ALOX5: variants seen among roughly 807,000 people sequenced by gnomAD.
ALOX5 encodes arachidonate 5-lipoxygenase, also known as polyunsaturated fatty acid 5-lipoxygenase.
ALOX5 carries 64 observed loss-of-function variants against 87.9 expected under a neutral mutation model. The ratio of observed to expected loss-of-function variants is 0.73; its 90% CI spans 0.60 to 0.90. The LOEUF (loss-of-function observed/expected upper bound fraction) is 0.90, where lower values mean the gene tolerates loss of function less well. Among genes scored for constraint, ALOX5 ranks in the 40% least tolerant of loss-of-function variants. ALOX5 has a pLI of 0.00. For missense variants in ALOX5, 822 were observed against 907.5 expected (o/e 0.91, Z 1.21); for synonymous variants, 388 against 355.1 (o/e 1.09, Z -1.04).
At chr10:45,426,164 G>GTTTCAATGTTACATT (rs1415140549) in intron 6 of ALOX5, among the ~76,000 whole-genome samples, 1 of 152,186 alleles carries the variant, frequency 6.6e-6, no homozygotes, top group Non-Finnish European at 1.5e-5. Context: ...CATTGATTTG[G>GTTTCAATGTTACATT]TGGCTATAGG....
chr10:45,374,998 A>T (rs1839546340), intron 1 of ALOX5, among the ~76,000 whole-genome samples: 1 of 152,178 alleles, frequency 6.6e-6, no homozygotes, highest in Non-Finnish European at 1.5e-5. Context: ...TCTGGGCCTC[A>T]GTTTCCCCAG....
At chr10:45,443,991 G>A in intron 12 of ALOX5, 125 bp from the exon 13 acceptor site, 1 of 1,436,946 alleles carries the variant, frequency 7.0e-7, no homozygotes, top group Non-Finnish European at 9.3e-7. Context: ...CTGGCCGCGG[G>A]GAAAGAGGAT....
At position 45,378,600 on chromosome 10, in the gene ALOX5, T is replaced by A. The variant is rs1032399269; in HGVS notation, c.151-3883T>A. Among the ~76,000 whole-genome samples, 5 of 152,310 alleles carry A rather than the reference T, an allele frequency of 3.3e-5. No homozygotes were observed. In the East Asian group the frequency reaches 9.6e-4, roughly 29 times the overall value. On this transcript the variant is annotated intron_variant, in intron 1 of 13. Transcript: ENST00000374391. ...CAGAGAGGAGGGAGGAAGGTGGCCA[T>A]TGTAGTTCCACAAACCTTCCGAAGA...
Position 45,444,299 on chromosome 10 carries a change from A to G in ALOX5, c.1845+13A>G. On this transcript the variant is annotated intron_variant, in intron 13 of 13. Transcript: ENST00000374391. ...CCAGGAAAACGAGGTGAAGCTGGGC[A>G]GGGCGGGGCACAGCCCCAGGTCACC... 2.6e-6 allele frequency: 4 copies of G among 1,545,826 alleles called. No individual in the cohort carries two copies. The highest frequency in any genetic ancestry group is 3.5e-6 in the Non-Finnish European group (4 of 1,143,764).
At chr10:45,436,697 G>A (rs1182693252) in intron 7 of ALOX5, among the ~76,000 whole-genome samples, 1 of 151,992 alleles carries the variant, frequency 6.6e-6, no homozygotes, top group Non-Finnish European at 1.5e-5. Context: ...GATGCCTCCA[G>A]CTTTGTATTT....
chr10:45,424,108 T>G lies in ALOX5; in HGVS notation c.622T>G (p.Phe208Val). 6.2e-7 allele frequency: 1 copy of G among 1,614,218 alleles called. No homozygotes were observed. Among genetic ancestry groups the G allele is most frequent in the Non-Finnish European group, 8.5e-7 (1 of 1,180,026 alleles). The change falls in exon 5 of 14, where the codon TTT becomes GTT. Residue 208 changes from phenylalanine to valine, a missense_variant. Phe to Val is a conservative substitution (Grantham distance 50). Coordinates refer to ENST00000374391, the MANE Select transcript of ALOX5 (RefSeq NM_000698.5). Reference protein sequence around the residue: ...FQSSWNDFADFEKIFVKISNT... With the variant: ...FQSSWNDFADVEKIFVKISNT... ...GTCTTCTTGGAATGACTTCGCCGAC[T>G]TTGAGAAAATCTTTGTCAAGATCAG...
intron 3 of ALOX5, among the ~76,000 whole-genome samples, chr10:45,408,648 G>A (rs1424256887): frequency 6.6e-6 from 1 of 152,156 alleles, no homozygotes; most frequent in Non-Finnish European, 1.5e-5. Flanking sequence ...ATTCCAAGAG[G>A]AGGAGAGTAC....
At chr10:45,443,685 T>G (rs1842325660) in intron 11 of ALOX5, 43 bp from the exon 12 acceptor site, 4 of 1,595,514 alleles carry the variant, frequency 2.5e-6, no homozygotes, top group Non-Finnish European at 3.4e-6. Context: ...GGCCCTGGGG[T>G]CCTCAGGGAC....
At chr10:45,423,245 G>A (rs1841569733) in intron 4 of ALOX5, among the ~76,000 whole-genome samples, 1 of 152,252 alleles carries the variant, frequency 6.6e-6, no homozygotes, top group African/African-American at 2.4e-5. Context: ...TGAAGAGTGG[G>A]CAGTGATTGA....
At chr10:45,412,906 C>T (rs1841122430) in intron 4 of ALOX5, among the ~76,000 whole-genome samples, 1 of 152,196 alleles carries the variant, frequency 6.6e-6, no homozygotes, top group Admixed American at 6.5e-5. Context: ...AAAGCTTGCC[C>T]AGGCTATCGG....
rs12240903 is a variant in ALOX5 at position 45,409,513 on chromosome 10, C to G, written c.432-2678C>G. On this transcript the variant is annotated intron_variant, in intron 3 of 13. Transcript: ENST00000374391. The stretch of plus-strand genomic sequence containing the variant: ...TTAGGATCTCTCTGTCTGTCTGTCT[C>G]TCTCTCTCTCTCTCTCTCTCTGTCT... 9.4e-3 allele frequency among the ~76,000 whole-genome samples: 1,389 copies of G among 147,128 alleles called. 25 individuals are homozygous for G. The highest frequency in any genetic ancestry group is 0.033 in the African/African-American group (1,311 of 40,226).
At chr10:45,444,047 G>A (rs763796905) in intron 12 of ALOX5, 69 bp from the exon 13 acceptor site, 23 of 1,477,502 alleles carry the variant, frequency 1.6e-5, no homozygotes, top group Non-Finnish European at 2.0e-5. Flanking sequence ...CGGGGAGGAC[G>A]GGGCCCAGGG....
intron 3 of ALOX5, among the ~76,000 whole-genome samples, chr10:45,403,295 T>C (rs566605117): frequency 6.6e-6 from 1 of 152,302 alleles, no homozygotes; most frequent in South Asian, 2.1e-4. Context: ...AACAAACTGC[T>C]GCTAACATGG....
intron 3 of ALOX5, among the ~76,000 whole-genome samples, chr10:45,397,811 C>T (rs1357915745): frequency 6.6e-6 from 1 of 152,152 alleles, no homozygotes; most frequent in African/African-American, 2.4e-5. Context: ...TACAATGAAA[C>T]TACAAAACAT....
At chr10:45,392,046 C>T (rs1840296178) in intron 2 of ALOX5, among the ~76,000 whole-genome samples, 1 of 151,574 alleles carries the variant, frequency 6.6e-6, no homozygotes, top group East Asian at 2.0e-4. Flanking sequence ...AGGGGTTCAG[C>T]CCCCCGCCCG....
At chr10:45,392,927 C>T (rs973839661) in intron 2 of ALOX5, among the ~76,000 whole-genome samples, 5 of 152,164 alleles carry the variant, frequency 3.3e-5, no homozygotes, top group Admixed American at 1.3e-4. Context: ...CCTGAATAGA[C>T]CAATAACAGG....
intron 3 of ALOX5, among the ~76,000 whole-genome samples, chr10:45,403,434 T>C (rs933348093): frequency 4.6e-5 from 7 of 152,040 alleles, no homozygotes; most frequent in African/African-American, 1.7e-4. Flanking sequence ...AGAAAATGAT[T>C]ATCATAAAGC....
intron 3 of ALOX5, among the ~76,000 whole-genome samples, chr10:45,410,463 G>GA (rs1288956833): frequency 6.6e-6 from 1 of 152,188 alleles, no homozygotes; most frequent in Non-Finnish European, 1.5e-5. Context: ...CCACATAACA[G>GA]AAAACACTTG....
chr10:45,403,897 A>G (rs1334257119), intron 3 of ALOX5, among the ~76,000 whole-genome samples: 1 of 152,104 alleles, frequency 6.6e-6, no homozygotes, highest in African/African-American at 2.4e-5. Flanking sequence ...TGTTTCAGAC[A>G]CCTATGGCAA....
Sources: allele counts gnomAD v4.1 joint callset (sites outside exome capture counted in the v4.1 genomes callset), GRCh38; gene constraint gnomAD v4.1.1; transcripts MANE v1.5; gene names NCBI Gene and HGNC (gene_info 2026-07-23, HGNC 2026-07-21).